VAPB: variants seen among roughly 807,000 people sequenced by gnomAD.
The protein encoded by VAPB is vesicle-associated membrane protein-associated protein B/C.
A neutral mutation model predicts 25.6 loss-of-function variants in VAPB; 7 were observed. The observed-to-expected ratio is 0.27, with a 90% CI of 0.16 to 0.51. The LOEUF (loss-of-function observed/expected upper bound fraction) is 0.51, where lower values mean the gene tolerates loss of function less well. VAPB is among the 20% of genes least tolerant of loss of function. The pLI is 0.97. For missense variants in VAPB, 266 were observed against 301.3 expected, an observed-to-expected ratio of 0.88 and a Z score of 0.87; for synonymous variants, 112 against 109.2, an observed-to-expected ratio of 1.03 and a Z score of -0.16.
rs985197839 is a variant in VAPB, at chr20:58,448,275, A to C, written c.*4040A>C. The C allele has an allele frequency of 4.4e-6, 2 of 453,928 alleles. No homozygotes were observed. The highest frequency in any genetic ancestry group is 4.0e-5 in the African/African-American group (2 of 49,982). 28.1% of individuals were successfully genotyped at this position (453,928 alleles called of 1,614,324 possible). On this transcript the variant is annotated 3_prime_UTR_variant, in exon 6 of 6. Transcript: ENST00000475243. Reference sequence around the variant, plus strand: ...GAACACCAAGAGCAGCTCTGAGATCATGCTGGCCCTACGCGAATTGAGTTT... The same window carrying C: ...GAACACCAAGAGCAGCTCTGAGATCCTGCTGGCCCTACGCGAATTGAGTTT...
intron 2 of VAPB, 85 bp downstream of exon 2, chr20:58,418,448 A>G: frequency 6.5e-7 from 1 of 1,541,080 alleles, no homozygotes; most frequent in Non-Finnish European, 8.8e-7. Flanking sequence ...TTTGCAGTGT[A>G]GCAGAAGAAG....
intron 1 of VAPB, among the ~76,000 whole-genome samples, chr20:58,417,578 G>C (rs1209588170): frequency 6.6e-6 from 1 of 152,198 alleles, no homozygotes; most frequent in Non-Finnish European, 1.5e-5. Flanking sequence ...CGTCTGTAAT[G>C]CTTCAGGTGT....
Position 58,418,327 on chromosome 20 carries a change from G to A in VAPB, c.175G>A (p.Gly59Arg). ...PRRYCVRPNSGIIDAGASINV... is the reference protein window; with the variant it reads ...PRRYCVRPNSRIIDAGASINV... Reference sequence around the variant, plus strand: ...TAGGTACTGTGTGAGGCCCAACAGCGGAATCATCGATGCAGGGGCCTCAAT... The same window carrying A: ...TAGGTACTGTGTGAGGCCCAACAGCAGAATCATCGATGCAGGGGCCTCAAT... Residue 59 changes from glycine (G) to arginine (R), a missense_variant, in exon 2 of 6, where the codon GGA (glycine) becomes AGA (arginine). Around this residue, in one of 3 missense-constraint regions of VAPB, gnomAD observed 98 missense variants for 147.1 expected, o/e 0.67. Transcript: ENST00000475243. 1.2e-6 allele frequency: 2 copies of A among 1,614,158 alleles called. No homozygotes were observed. Among genetic ancestry groups the A allele is most frequent in the Non-Finnish European group, 1.7e-6 (2 of 1,180,032 alleles).
chr20:58,449,722 C>T lies in VAPB; in HGVS notation c.*5487C>T, dbSNP rs1265934308. 2.2e-6 allele frequency: 1 copy of T among 454,110 alleles called. No homozygotes were observed. Among genetic ancestry groups the T allele is most frequent in the African/African-American group, 2.0e-5 (1 of 50,126 alleles). 28.1% of individuals were successfully genotyped at this position (454,110 alleles called of 1,614,324 possible). Reference sequence around the variant, plus strand: ...TTGATCCTGTAACAATGCCCGATTACAATTGCTTTATTACACCCCAGGGCT... The same window carrying T: ...TTGATCCTGTAACAATGCCCGATTATAATTGCTTTATTACACCCCAGGGCT... On this transcript the variant is annotated 3_prime_UTR_variant, in exon 6 of 6. Transcript: ENST00000475243.
At chr20:58,412,862 T>C (rs1157020833) in intron 1 of VAPB, among the ~76,000 whole-genome samples, 1 of 152,190 alleles carries the variant, frequency 6.6e-6, no homozygotes, top group African/African-American at 2.4e-5. Flanking sequence ...ATTTAAATCA[T>C]ATGTAGATCA....
chr20:58,444,611 C>G lies in VAPB; in HGVS notation c.*376C>G. The stretch of plus-strand genomic sequence containing the variant: ...CCTTCCTCGCCTGTTGGTGCTGGCC[C>G]TTGGGGAGCTGGAGCCCAGCATGCT... On this transcript the variant is annotated 3_prime_UTR_variant, in exon 6 of 6. Coordinates refer to ENST00000475243, the MANE Select transcript of VAPB (RefSeq NM_004738.5). 4.4e-6 allele frequency: 2 copies of G among 456,098 alleles called. 1 individual carries two copies. Among genetic ancestry groups the G allele is most frequent in the South Asian group, 3.1e-5 (2 of 64,500 alleles). 28.3% of individuals were successfully genotyped at this position (456,098 alleles called of 1,614,324 possible). A position where few individuals can be genotyped will look rare whatever the true frequency, so the allele number is the denominator to read the frequency against.
At position 58,448,189 on chromosome 20, in the gene VAPB, AT is replaced by A. The variant is rs1989342374; in HGVS notation, c.*3955del. On this transcript the variant is annotated 3_prime_UTR_variant, in exon 6 of 6. Transcript: ENST00000475243. ...ATTTAGAAAGGCCCCTGCAAAGTAT[AT>A]AGATGGATGACTCTAGTTCATGACA... 2.2e-6 allele frequency: 1 copy of A among 453,948 alleles called. No individual in the cohort carries two copies. Among genetic ancestry groups the A allele is most frequent in the East Asian group, 6.9e-5 (1 of 14,392 alleles). 28.1% of individuals were successfully genotyped at this position (453,948 alleles called of 1,614,324 possible). A position where few individuals can be genotyped will look rare whatever the true frequency, so the allele number is the denominator to read the frequency against.
In VAPB at chr20:58,438,156, G is replaced by A. The variant is rs138546714; in HGVS notation, c.316-789G>A. Among the ~76,000 whole-genome samples the A allele has an allele frequency of 8.7e-3, 1,324 of 152,290 alleles. 25 individuals are homozygous for A. The highest frequency in any genetic ancestry group is 0.03 in the African/African-American group (1,252 of 41,536). ...CACACACTGCCACAGTGACAGAGGA[G>A]GGATTTGGTAATGAATGTGTTCCGT... On this transcript the variant is annotated intron_variant, in intron 3 of 5. Transcript: ENST00000475243.
rs886056813 is a variant in VAPB at position 58,445,666 on chromosome 20, G to T, written c.*1431G>T. Reference sequence around the variant, plus strand: ...AATGAGCCCTATCACTGAGAAATACGTGTTTCATGATTTAACTCTGTGTGT... The same window carrying T: ...AATGAGCCCTATCACTGAGAAATACTTGTTTCATGATTTAACTCTGTGTGT... On this transcript the variant is annotated 3_prime_UTR_variant, in exon 6 of 6. Transcript: ENST00000475243. 15 of 452,834 alleles carry T rather than the reference G, an allele frequency of 3.3e-5. No individual in the cohort carries two copies. The highest frequency in any genetic ancestry group is 3.3e-4 in the Admixed American group (14 of 42,424). The allele number at this position is 452,834 out of a possible 1,614,324, so 28.1% of individuals were successfully genotyped here. A position where few individuals can be genotyped will look rare whatever the true frequency, so the allele number is the denominator to read the frequency against.
At position 58,445,538 on chromosome 20, in the gene VAPB, C is replaced by T; in HGVS notation, c.*1303C>T. 1 of 454,296 alleles carries T rather than the reference C, an allele frequency of 2.2e-6. No homozygotes were observed. The highest frequency in any genetic ancestry group is 4.4e-6 in the Non-Finnish European group (1 of 226,758). The allele number at this position is 454,296 out of a possible 1,614,324, so 28.1% of individuals were successfully genotyped here. On this transcript the variant is annotated 3_prime_UTR_variant, in exon 6 of 6. Transcript: ENST00000475243. ...CTTGAAAAGAAAAATTATAATAAAG[C>T]CCCAAAATTAAGAATTCTTTTGTCA...
chr20:58,391,472 A>T (rs1258788127), intron 1 of VAPB, among the ~76,000 whole-genome samples: 1 of 152,008 alleles, frequency 6.6e-6, no homozygotes, highest in Non-Finnish European at 1.5e-5. Flanking sequence ...TTTCAGACAG[A>T]GGAAATTGCA....
chr20:58,417,386 CAG>C (rs1988566911), intron 1 of VAPB, among the ~76,000 whole-genome samples: 1 of 152,166 alleles, frequency 6.6e-6, no homozygotes, highest in Non-Finnish European at 1.5e-5. Context: ...TTAGTTATCT[CAG>C]GGGACAAAGG....
intron 2 of VAPB, among the ~76,000 whole-genome samples, chr20:58,434,173 G>A (rs1988988129): frequency 6.6e-6 from 1 of 152,198 alleles, no homozygotes; most frequent in South Asian, 2.1e-4. Flanking sequence ...TTGGAGAGAA[G>A]CTACAACAGT....
chr20:58,432,695 G>A (rs77854718), intron 2 of VAPB, among the ~76,000 whole-genome samples: 12,599 of 152,138 alleles, frequency 0.083, 761 homozygotes, highest in East Asian at 0.26. Context: ...GTGTGTTTTC[G>A]TTATTGCAAT....
rs984252541 is a variant in VAPB, at chr20:58,445,161, A to G, written c.*926A>G. The G allele has an allele frequency of 6.6e-6, 3 of 454,228 alleles. No individual in the cohort carries two copies. The highest frequency in any genetic ancestry group is 6.9e-5 in the East Asian group (1 of 14,394). The allele number at this position is 454,228 out of a possible 1,614,324, so 28.1% of individuals were successfully genotyped here. On this transcript the variant is annotated 3_prime_UTR_variant, in exon 6 of 6. Coordinates refer to ENST00000475243, the MANE Select transcript of VAPB (RefSeq NM_004738.5). ...GTTTTTTCTGGGTCAGTAAATAACA[A>G]CTGTCATAGGGAGGGAAATTCTCAG...
intron 1 of VAPB, among the ~76,000 whole-genome samples, chr20:58,392,096 A>G (rs941238457): frequency 1.3e-5 from 2 of 152,210 alleles, no homozygotes; most frequent in Non-Finnish European, 2.9e-5. Flanking sequence ...ATTTTGTTCA[A>G]TTGTTTTACT....
At chr20:58,435,178 T>C (rs1989014343) in intron 3 of VAPB, among the ~76,000 whole-genome samples, 1 of 152,218 alleles carries the variant, frequency 6.6e-6, no homozygotes, top group Non-Finnish European at 1.5e-5. Flanking sequence ...AATATGCTTA[T>C]TTATTTTCCC....
chr20:58,407,362 A>G (rs1163586422), intron 1 of VAPB, among the ~76,000 whole-genome samples: 3 of 152,224 alleles, frequency 2.0e-5, no homozygotes, highest in Non-Finnish European at 2.9e-5. Context: ...AAGCATGACT[A>G]TCAAGGCTGG....
chr20:58,434,727 T>A (rs1989001265), intron 3 of VAPB, 22 bp downstream of exon 3: 1 of 1,163,854 alleles, frequency 8.6e-7, no homozygotes, highest in South Asian at 1.2e-5. Flanking sequence ...ATGCTTCTTA[T>A]TTTTTTCAGT....
Sources: allele counts gnomAD v4.1 joint callset (sites outside exome capture counted in the v4.1 genomes callset), GRCh38; gene constraint gnomAD v4.1.1; regional missense constraint gnomAD v4.1.1; transcripts MANE v1.5; gene names NCBI Gene and HGNC (gene_info 2026-07-23, HGNC 2026-07-21).